Variants in PLA2R1 observed in about 807,000 individuals in gnomAD.
PLA2R1 encodes secretory phospholipase A2 receptor.
A neutral mutation model predicts 195.9 loss-of-function variants in PLA2R1; 158 were observed. The ratio of observed to expected loss-of-function variants is 0.81; its 90% CI spans 0.71 to 0.92. The LOEUF (loss-of-function observed/expected upper bound fraction) is 0.92. Ranked by LOEUF, PLA2R1 falls within the 40% of genes least tolerant of loss-of-function variation. The probability of loss-of-function intolerance (pLI) is 0.00; values close to 1 mark genes in which losing one functional copy is unlikely to be tolerated. For missense variants in PLA2R1, 1,626 were observed against 1,764.6 expected, an observed-to-expected ratio of 0.92 and a Z score of 1.41; for synonymous variants, 586 against 598.2, an observed-to-expected ratio of 0.98 and a Z score of 0.30.
intron 9 of PLA2R1, among the ~76,000 whole-genome samples, chr2:160,016,015 G>T (rs6737904): frequency 6.6e-6 from 1 of 151,868 alleles, no homozygotes; most frequent in African/African-American, 2.4e-5. Flanking sequence ...CTGTAATCCC[G>T]GTACTTTGGG....
In PLA2R1 at chr2:160,028,304, G is replaced by A. The variant is rs1367352652; in HGVS notation, c.1013C>T (p.Pro338Leu). ...DHCGTFSSFM[P>L]SAWRSRDCES... ...ACAATCCCGACTCCTCCAGGCACTT[G>A]GCATAAATGAACTAAATGTTCCACA... The change falls in exon 6 of 30, where the codon CCA (proline) becomes CTA (leucine). Residue 338 changes from proline (P) to leucine (L), a missense_variant. Physicochemically the swap from Pro to Leu is moderately conservative, Grantham distance 98. Coordinates refer to ENST00000283243, the MANE Select transcript of PLA2R1 (RefSeq NM_007366.5). 6.2e-7 allele frequency: 1 copy of A among 1,606,510 alleles called. No individual in the cohort carries two copies. Among genetic ancestry groups the A allele is most frequent in the South Asian group, 1.1e-5 (1 of 90,650 alleles).
intron 28 of PLA2R1, 112 bp from the exon 29 acceptor site, chr2:159,942,271 A>G (rs1687128729): frequency 1.3e-6 from 1 of 777,466 alleles, no homozygotes; most frequent in African/African-American, 1.8e-5. Context: ...TTTTTATAAA[A>G]AATGTTTTAC....
intron 1 of PLA2R1, among the ~76,000 whole-genome samples, chr2:160,049,379 T>G (rs1695082126): frequency 6.6e-6 from 1 of 152,196 alleles, no homozygotes; most frequent in Non-Finnish European, 1.5e-5. Flanking sequence ...ATTCATTCAT[T>G]CAACTAGCTT....
chr2:159,969,866 A>G (rs1233594775), intron 18 of PLA2R1, among the ~76,000 whole-genome samples: 1 of 152,168 alleles, frequency 6.6e-6, no homozygotes, highest in Non-Finnish European at 1.5e-5. Context: ...TTATGTTAAG[A>G]GTTCTCATCA....
chr2:159,943,919 G>T (rs1459316967), intron 28 of PLA2R1, among the ~76,000 whole-genome samples: 1 of 151,774 alleles, frequency 6.6e-6, no homozygotes, highest in East Asian at 1.9e-4. Flanking sequence ...CAGTCAACAG[G>T]GCCGGTGATT....
chr2:159,960,542 C>T (rs183662109), intron 20 of PLA2R1, among the ~76,000 whole-genome samples: 55 of 152,226 alleles, frequency 3.6e-4, no homozygotes, highest in African/African-American at 1.3e-3. Flanking sequence ...ATTGACTAAT[C>T]CCAAACTAGA....
rs768761126 is a variant in PLA2R1 at position 159,987,310 on chromosome 2, C to T, written c.1883G>A (p.Arg628His). Residue 628 changes from arginine (R) to histidine (H), a missense_variant, in exon 12 of 30, where the codon CGC becomes CAC. Transcript: ENST00000283243. Reference sequence around the variant, plus strand: ...GTGCCGACAGTGCTTCACTTCCCAGCGACCAAGTGGATGCCTTCCTCGCAT... The same window carrying T: ...GTGCCGACAGTGCTTCACTTCCCAGTGACCAAGTGGATGCCTTCCTCGCAT... ...VAMRGRHPLG[R>H]WEVKHCRHFK... is the part of the protein sequence containing the mutation. 18 of 1,612,468 alleles carry T rather than the reference C, an allele frequency of 1.1e-5. 1 individual carries two copies. Among genetic ancestry groups the T allele is most frequent in the Admixed American group, 1.0e-4 (6 of 60,000 alleles).
chr2:159,941,726 G>T lies in PLA2R1; in HGVS notation c.*52C>A. The T allele has an allele frequency of 1.1e-6, 1 of 950,066 alleles. No individual in the cohort carries two copies. The highest frequency in any genetic ancestry group is 1.7e-6 in the Non-Finnish European group (1 of 592,610). The allele number at this position is 950,066 out of a possible 1,614,324, so 58.9% of individuals were successfully genotyped here. On this transcript the variant is annotated 3_prime_UTR_variant, in exon 30 of 30. Transcript: ENST00000283243. ...AAAGGGAAAGACAGATGAGACTCCT[G>T]TTTAGTCTTCTTTACTTACCCTGGT...
At chr2:159,972,059 T>C (rs1448762363) in intron 17 of PLA2R1, among the ~76,000 whole-genome samples, 1 of 152,150 alleles carries the variant, frequency 6.6e-6, no homozygotes, top group African/African-American at 2.4e-5. Flanking sequence ...AGAGGTTTCA[T>C]GTGCCACGGG....
In PLA2R1 at chr2:159,955,322, C is replaced by T. The variant is rs200114626; in HGVS notation, c.3178G>A (p.Val1060Ile). The T allele has an allele frequency of 3.1e-5, 50 of 1,600,504 alleles. 3 individuals carry two copies. In the Middle Eastern group the frequency reaches 9.9e-4, roughly 32 times the overall value. Residue 1060 changes from valine (V) to isoleucine (I), a missense_variant, in exon 23 of 30, where the codon GTT (valine) becomes ATT (isoleucine). Val to Ile is a conservative substitution (Grantham distance 29). Coordinates refer to ENST00000283243, the MANE Select transcript of PLA2R1 (RefSeq NM_007366.5). ...INIPSHNTTE[V>I]QKHIPLCALL... ...GCACAGAGAGGAATGTGTTTCTGAA[C>T]TTCAGTGGTATTGTGACTTGGAATC...
intron 8 of PLA2R1, among the ~76,000 whole-genome samples, chr2:160,019,902 A>G (rs1173000407): frequency 1.3e-5 from 2 of 152,006 alleles, no homozygotes; most frequent in Non-Finnish European, 2.9e-5. Context: ...TTTCACTATC[A>G]TGTCACATAG....
chr2:160,030,756 A>G (rs1200666082), intron 4 of PLA2R1, among the ~76,000 whole-genome samples: 1 of 152,220 alleles, frequency 6.6e-6, no homozygotes, highest in African/African-American at 2.4e-5. Flanking sequence ...AAGAAACATT[A>G]GACTATTTTC....
At position 159,938,966 on chromosome 2, in the gene PLA2R1, A is replaced by C. The variant is rs1686958219; in HGVS notation, c.*2812T>G. 6.6e-6 allele frequency: 1 copy of C among 152,194 alleles called. No homozygotes were observed. The highest frequency in any genetic ancestry group is 1.5e-5 in the Non-Finnish European group (1 of 68,028). 9.4% of individuals were successfully genotyped at this position (152,194 alleles called of 1,614,324 possible). ...CAGGCATTTCCATTACTCAGATTCT[A>C]TAAAGATCCTCAGGTTAGTCATAGA... On this transcript the variant is annotated 3_prime_UTR_variant, in exon 30 of 30. Coordinates refer to ENST00000283243, the MANE Select transcript of PLA2R1 (RefSeq NM_007366.5).
intron 11 of PLA2R1, among the ~76,000 whole-genome samples, chr2:159,995,358 C>G (rs1691141868): frequency 1.3e-5 from 2 of 152,036 alleles, no homozygotes; most frequent in African/African-American, 4.8e-5. Context: ...TTATGAATGA[C>G]AAGGAACTCT....
At chr2:159,946,073 G>T (rs982063318) in intron 27 of PLA2R1, 9 of 961,410 alleles carry the variant, frequency 9.4e-6, no homozygotes, top group Admixed American at 6.2e-5. Context: ...ATGTACCAAG[G>T]GGGTAGGGGC....
intron 19 of PLA2R1, 48 bp from the exon 20 acceptor site, chr2:159,967,726 T>C: frequency 6.6e-7 from 1 of 1,523,844 alleles, no homozygotes. Context: ...ATGGCGATTC[T>C]TTGAAGGCAT....
rs1689830817 is a variant in PLA2R1, at chr2:159,979,902, C to T, written c.2196G>A (p.Arg732=). The change falls in exon 14 of 30, where the codon AGG becomes AGA. Residue 732 remains arginine, a synonymous_variant. Coordinates refer to ENST00000283243, the MANE Select transcript of PLA2R1 (RefSeq NM_007366.5). ...TTTTATTAAATCCAATCCAGAACTGCCTTTCTTCTGTCCTGTAAAGAGAAG... is the reference window on the plus strand; with the variant it reads ...TTTTATTAAATCCAATCCAGAACTGTCTTTCTTCTGTCCTGTAAAGAGAAG... ...LHSKFNWTEE[R]QFWIGFNKRN... is the part of the protein sequence containing the mutation. 4 of 1,600,132 alleles carry T rather than the reference C, an allele frequency of 2.5e-6. No individual in the cohort carries two copies. Among genetic ancestry groups the T allele is most frequent in the Non-Finnish European group, 2.6e-6 (3 of 1,167,958 alleles).
Position 159,992,368 on chromosome 2 carries a change from C to T in PLA2R1, c.1835-5010G>A, listed in dbSNP as rs1176425650. 8.5e-4 allele frequency among the ~76,000 whole-genome samples: 128 copies of T among 150,582 alleles called. 1 individual carries two copies. Among genetic ancestry groups the T allele is most frequent in the Middle Eastern group, 3.4e-3 (1 of 292 alleles). Reference sequence around the variant, plus strand: ...AATCACAAGCATTCTTATACACCAACAACAGACAAACAGAGAGCCAAATCA... The same window carrying T: ...AATCACAAGCATTCTTATACACCAATAACAGACAAACAGAGAGCCAAATCA... On this transcript the variant is annotated intron_variant, in intron 11 of 29. Transcript: ENST00000283243.
chr2:159,942,531 G>A (rs1450580321), intron 28 of PLA2R1, among the ~76,000 whole-genome samples: 1 of 152,132 alleles, frequency 6.6e-6, no homozygotes, highest in African/African-American at 2.4e-5. Context: ...TAAATATAGA[G>A]TAAAATATAA....
Sources: gnomAD v4.1 joint callset for allele counts (sites outside exome capture counted in the v4.1 genomes callset) on GRCh38, gnomAD v4.1.1 for gene constraint, MANE v1.5 for transcripts, NCBI Gene and HGNC (gene_info 2026-07-23, HGNC 2026-07-21) for gene names.